The following EXOC4 variants were observed in gnomAD, a reference collection of about 807,000 sequenced individuals.
EXOC4 encodes SEC8-like 1.
EXOC4 carries 71 observed loss-of-function variants against 107.2 expected under a neutral mutation model. The ratio of observed to expected loss-of-function variants is 0.66; its 90% CI spans 0.55 to 0.81. The LOEUF (loss-of-function observed/expected upper bound fraction) is 0.81. Among genes scored for constraint, EXOC4 ranks in the 30% least tolerant of loss-of-function variants. EXOC4 has a pLI of 0.00. For synonymous variants in EXOC4, 456 were observed against 441.2 expected, an observed-to-expected ratio of 1.03 and a Z score of -0.42; for missense variants, 1,108 against 1,189.6, an observed-to-expected ratio of 0.93 and a Z score of 1.01.
At chr7:133,325,863 T>C (rs961716562) in intron 5 of EXOC4, among the ~76,000 whole-genome samples, 1 of 152,218 alleles carries the variant, frequency 6.6e-6, no homozygotes, top group Non-Finnish European at 1.5e-5. Context: ...CAGACATAGA[T>C]TTGGTCTTTT....
intron 9 of EXOC4, among the ~76,000 whole-genome samples, chr7:133,517,636 TCTTGCGAGA>T (rs1799902434): frequency 6.6e-6 from 1 of 152,084 alleles, no homozygotes; most frequent in South Asian, 2.1e-4. Flanking sequence ...AACCATCAGA[TCTTGCGAGA>T]CTTATTCACT....
intron 9 of EXOC4, among the ~76,000 whole-genome samples, chr7:133,503,977 G>A (rs1449339116): frequency 4.7e-5 from 7 of 149,334 alleles, no homozygotes; most frequent in African/African-American, 7.7e-5. Context: ...ATAGACACAC[G>A]TATGTATATG....
chr7:133,652,262 C>T (rs1383334756), intron 10 of EXOC4, among the ~76,000 whole-genome samples: 2 of 152,094 alleles, frequency 1.3e-5, no homozygotes, highest in African/African-American at 2.4e-5. Context: ...GCAGCCTAGA[C>T]ATATAGTATC....
At chr7:133,621,445 G>A (rs180721744) in intron 9 of EXOC4, among the ~76,000 whole-genome samples, 4 of 152,266 alleles carry the variant, frequency 2.6e-5, no homozygotes, top group Admixed American at 2.6e-4. Context: ...CTAGGAGAGA[G>A]TCTTACTTGA....
intron 9 of EXOC4, among the ~76,000 whole-genome samples, chr7:133,486,739 C>T (rs1799276003): frequency 6.6e-6 from 1 of 151,908 alleles, no homozygotes; most frequent in South Asian, 2.1e-4. Context: ...AATTGATTCC[C>T]CTTTTCTTCA....
At position 134,002,857 on chromosome 7, in the gene EXOC4, T is replaced by A. The variant is rs139674739; in HGVS notation, c.2349-2055T>A. Among the ~76,000 whole-genome samples the A allele has an allele frequency of 4.9e-3, 747 of 151,832 alleles. 5 individuals are homozygous for A. Among genetic ancestry groups the A allele is most frequent in the African/African-American group, 0.017 (711 of 41,422 alleles). On this transcript the variant is annotated intron_variant, in intron 15 of 17. Coordinates refer to ENST00000253861, the MANE Select transcript of EXOC4 (RefSeq NM_021807.4). ...GAGGATGTGGAACAACTGGAACTTT[T>A]GTATACTGCCAGTAAGTAAGCAAAA...
chr7:134,056,710 T>A (rs1318669438), intron 17 of EXOC4, among the ~76,000 whole-genome samples: 3 of 152,230 alleles, frequency 2.0e-5, no homozygotes, highest in Non-Finnish European at 4.4e-5. Flanking sequence ...GAGTGACATA[T>A]GAATCCTTAA....
At position 133,800,292 on chromosome 7, in the gene EXOC4, T is replaced by C. The variant is rs1796910890; in HGVS notation, c.1515-17033T>C. 1.3e-5 allele frequency among the ~76,000 whole-genome samples: 2 copies of C among 152,238 alleles called. 1 individual carries two copies. The highest frequency in any genetic ancestry group is 2.9e-5 in the Non-Finnish European group (2 of 68,042). On this transcript the variant is annotated intron_variant, in intron 10 of 17. Coordinates refer to ENST00000253861, the MANE Select transcript of EXOC4 (RefSeq NM_021807.4). ...AGGTAGATTTATATATTACTTGTAC[T>C]TTTGAAAATAAATATATCCTTCAAT... is the stretch of plus-strand genomic sequence containing the variant.
intron 16 of EXOC4, among the ~76,000 whole-genome samples, chr7:134,006,945 A>G (rs897294802): frequency 1.3e-5 from 2 of 152,318 alleles, no homozygotes; most frequent in African/African-American, 2.4e-5. Context: ...TTTGCAGACC[A>G]TAAGACAACC....
intron 17 of EXOC4, among the ~76,000 whole-genome samples, chr7:134,023,160 T>C (rs1795064640): frequency 1.3e-5 from 2 of 152,210 alleles, no homozygotes; most frequent in South Asian, 4.1e-4. Context: ...TTCATGATGT[T>C]TGCCCGAGTC....
At chr7:133,423,985 A>C (rs1438706334) in intron 7 of EXOC4, among the ~76,000 whole-genome samples, 2 of 152,148 alleles carry the variant, frequency 1.3e-5, no homozygotes, top group Non-Finnish European at 2.9e-5. Flanking sequence ...GGGGACTTGG[A>C]GAACTTTTCT....
chr7:133,954,512 A>C (rs1563070128), intron 14 of EXOC4, among the ~76,000 whole-genome samples: 1 of 152,258 alleles, frequency 6.6e-6, no homozygotes, highest in Non-Finnish European at 1.5e-5. Context: ...AGTATATATA[A>C]ATAACTAAAT....
intron 10 of EXOC4, among the ~76,000 whole-genome samples, chr7:133,744,978 T>TA (rs545788161): frequency 8.5e-5 from 13 of 152,134 alleles, no homozygotes; most frequent in East Asian, 3.9e-4. Context: ...GTTTTTTACT[T>TA]AAAAAAAAGT....
chr7:133,360,441 G>A (rs1796112635), intron 6 of EXOC4, among the ~76,000 whole-genome samples: 1 of 152,218 alleles, frequency 6.6e-6, no homozygotes, highest in Non-Finnish European at 1.5e-5. Flanking sequence ...GCTTCACTTA[G>A]GTAGAGCTGT....
At chr7:133,789,169 A>G (rs1381570420) in intron 10 of EXOC4, among the ~76,000 whole-genome samples, 1 of 152,196 alleles carries the variant, frequency 6.6e-6, no homozygotes, top group Non-Finnish European at 1.5e-5. Flanking sequence ...ACCATGCCCT[A>G]TAAAGCAAGA....
At chr7:133,823,842 ATT>A (rs1797589576) in intron 11 of EXOC4, among the ~76,000 whole-genome samples, 11 of 18,988 alleles carry the variant, frequency 5.8e-4, no homozygotes, top group Non-Finnish European at 1.0e-3. Context: ...ATATATATAT[ATT>A]ATATATATAT....
intron 10 of EXOC4, among the ~76,000 whole-genome samples, chr7:133,642,036 G>A (rs1159501056): frequency 1.3e-5 from 2 of 152,116 alleles, no homozygotes; most frequent in Non-Finnish European, 2.9e-5. Context: ...TTTTTTACAT[G>A]TTTTTGATTG....
chr7:133,614,789 CAAAAAAAAAAAAA>C (rs35947572), intron 9 of EXOC4, among the ~76,000 whole-genome samples: 14 of 61,680 alleles, frequency 2.3e-4, no homozygotes, highest in African/African-American at 9.1e-4. Context: ...GTACATATGG[CAAAAAAAAAAAAA>C]AAAAAAAAAA....
chr7:133,864,015 C>A (rs751757183), intron 11 of EXOC4, among the ~76,000 whole-genome samples: 1 of 152,082 alleles, frequency 6.6e-6, no homozygotes, highest in Non-Finnish European at 1.5e-5. Flanking sequence ...TTGACTTATT[C>A]TCATCATCAT....
Sources: allele counts gnomAD v4.1 joint callset (sites outside exome capture counted in the v4.1 genomes callset), GRCh38; gene constraint gnomAD v4.1.1; transcripts MANE v1.5; gene names NCBI Gene and HGNC (gene_info 2026-07-23, HGNC 2026-07-21).